CCSER1: variants seen among roughly 807,000 people sequenced by gnomAD.
CCSER1 encodes serine-rich coiled-coil domain-containing protein 1.
In CCSER1, 41 loss-of-function variants were observed where a neutral mutation model predicts 82.0. The observed-to-expected ratio is 0.50, with a 90% CI of 0.39 to 0.65. The LOEUF (loss-of-function observed/expected upper bound fraction) is 0.65, where lower values mean the gene tolerates loss of function less well. Among genes scored for constraint, CCSER1 ranks in the 30% least tolerant of loss-of-function variants. CCSER1 has a pLI of 0.00. For missense variants in CCSER1, 1,119 were observed against 1,064.2 expected (o/e 1.05, Z -0.72); for synonymous variants, 414 against 383.9 (o/e 1.08, Z -0.92).
At chr4:91,009,137 A>T (rs1228718886) in intron 9 of CCSER1, among the ~76,000 whole-genome samples, 1 of 152,184 alleles carries the variant, frequency 6.6e-6, no homozygotes, top group African/African-American at 2.4e-5. Flanking sequence ...ATGTCAGCAA[A>T]CAGCAGTGGT....
chr4:91,228,206 A>G (rs1231181252), intron 10 of CCSER1, among the ~76,000 whole-genome samples: 5 of 152,200 alleles, frequency 3.3e-5, no homozygotes, highest in Non-Finnish European at 5.9e-5. Flanking sequence ...GTATCCTGCT[A>G]CTCGGTTTCT....
At chr4:90,429,042 G>A (rs1578422844) in intron 4 of CCSER1, among the ~76,000 whole-genome samples, 1 of 151,508 alleles carries the variant, frequency 6.6e-6, no homozygotes, top group Non-Finnish European at 1.5e-5. Flanking sequence ...TCACACTATT[G>A]CAAGATGTTA....
intron 4 of CCSER1, among the ~76,000 whole-genome samples, chr4:90,439,660 T>G (rs2153571758): frequency 6.6e-6 from 1 of 152,302 alleles, no homozygotes; most frequent in African/African-American, 2.4e-5. Flanking sequence ...CTGGAGTAAC[T>G]TCTGCTTCAG....
chr4:90,537,388 T>G (rs950733447), intron 5 of CCSER1, among the ~76,000 whole-genome samples: 3 of 152,046 alleles, frequency 2.0e-5, no homozygotes, highest in African/African-American at 7.2e-5. Flanking sequence ...TTCATTCGAG[T>G]TTTTTCTCAT....
rs1424898550 is a variant in CCSER1 at position 90,468,294 on chromosome 4, T to A, written c.1664T>A (p.Met555Lys). 9 of 1,609,306 alleles carry A rather than the reference T, an allele frequency of 5.6e-6. No individual in the cohort carries two copies. The highest frequency in any genetic ancestry group is 1.3e-5 in the African/African-American group (1 of 74,864). The change falls in exon 5 of 11, where the codon ATG becomes AAG. Residue 555 changes from methionine (M) to lysine (K), a missense_variant. By Grantham distance (95) the Met-to-Lys change is moderately conservative. Transcript: ENST00000509176. The part of the protein sequence containing the change: ...VSCAAVVLTP[M>K]EPMIEMKKRE... ...TGTGCCGCAGTAGTTCTTACTCCTA[T>A]GGAACCAATGATAGAAATGAAGAAA...
intron 9 of CCSER1, among the ~76,000 whole-genome samples, chr4:91,069,167 A>C (rs1048372551): frequency 1.3e-5 from 2 of 152,106 alleles, no homozygotes; most frequent in African/African-American, 4.8e-5. Context: ...CATCTCAAAA[A>C]AAATAAATAA....
intron 5 of CCSER1, among the ~76,000 whole-genome samples, chr4:90,612,875 A>G (rs898434406): frequency 3.9e-5 from 6 of 152,198 alleles, no homozygotes; most frequent in Non-Finnish European, 8.8e-5. Context: ...GAAGGGTCAG[A>G]GTGGTGAGGG....
At chr4:90,442,487 G>A (rs1019567284) in intron 4 of CCSER1, among the ~76,000 whole-genome samples, 1 of 152,184 alleles carries the variant, frequency 6.6e-6, no homozygotes, top group Admixed American at 6.5e-5. Flanking sequence ...TGCCTCAAGA[G>A]GAGAAGTTGA....
At chr4:90,460,341 A>C (rs970218564) in intron 4 of CCSER1, among the ~76,000 whole-genome samples, 2 of 147,644 alleles carry the variant, frequency 1.4e-5, no homozygotes, top group African/African-American at 5.2e-5. Flanking sequence ...AAAAAAAAAA[A>C]AAAACTAAGG....
At chr4:91,438,603 A>C (rs969659580) in intron 10 of CCSER1, among the ~76,000 whole-genome samples, 2 of 152,222 alleles carry the variant, frequency 1.3e-5, no homozygotes, top group Non-Finnish European at 2.9e-5. Flanking sequence ...AACATAATTC[A>C]TCACCAGCAA....
chr4:91,571,974 C>T (rs112193681), intron 10 of CCSER1, among the ~76,000 whole-genome samples: 5,653 of 152,060 alleles, frequency 0.037, 196 homozygotes, highest in South Asian at 0.16. Flanking sequence ...TTCATTAGTT[C>T]GAGGGTGGCA....
chr4:90,180,241 G>T (rs1733482234), intron 1 of CCSER1, among the ~76,000 whole-genome samples: 1 of 151,780 alleles, frequency 6.6e-6, no homozygotes, highest in Non-Finnish European at 1.5e-5. Context: ...GTTTTTTAGA[G>T]TTGGAACAAA....
At chr4:91,525,161 A>T (rs1760710059) in intron 10 of CCSER1, among the ~76,000 whole-genome samples, 1 of 152,134 alleles carries the variant, frequency 6.6e-6, no homozygotes, top group Non-Finnish European at 1.5e-5. Context: ...GCTAATTGAA[A>T]TATAATAAGA....
intron 4 of CCSER1, among the ~76,000 whole-genome samples, chr4:90,408,792 G>C (rs1317819266): frequency 6.6e-6 from 1 of 152,218 alleles, no homozygotes; most frequent in Non-Finnish European, 1.5e-5. Flanking sequence ...CAATGACTTT[G>C]ATGAGTTGAG....
At chr4:91,256,161 G>C (rs1182251887) in intron 10 of CCSER1, among the ~76,000 whole-genome samples, 3 of 152,080 alleles carry the variant, frequency 2.0e-5, no homozygotes, top group South Asian at 2.1e-4. Context: ...CTCTAAAATG[G>C]CCGCTCTTGG....
chr4:90,458,848 C>T (rs1762513393), intron 4 of CCSER1, among the ~76,000 whole-genome samples: 1 of 152,202 alleles, frequency 6.6e-6, no homozygotes, highest in Non-Finnish European at 1.5e-5. Context: ...AGTTCTTACA[C>T]ATCGCTTTTG....
chr4:91,493,826 A>T (rs530887947), intron 10 of CCSER1, among the ~76,000 whole-genome samples: 312 of 151,826 alleles, frequency 2.1e-3, no homozygotes, highest in African/African-American at 7.2e-3. Flanking sequence ...AATTTTTTTT[A>T]AAAAAAGTTT....
At chr4:90,209,270 G>T (rs1216426840) in intron 1 of CCSER1, among the ~76,000 whole-genome samples, 1 of 152,180 alleles carries the variant, frequency 6.6e-6, no homozygotes, top group Non-Finnish European at 1.5e-5. Context: ...GCCCAAGTGA[G>T]GGGCACCCCT....
intron 9 of CCSER1, among the ~76,000 whole-genome samples, chr4:91,026,997 T>A (rs1740543188): frequency 6.6e-6 from 1 of 152,110 alleles, no homozygotes; most frequent in Non-Finnish European, 1.5e-5. Context: ...AAAACAAAAA[T>A]TTTTAAACAG....
Sources: allele counts gnomAD v4.1 joint callset (sites outside exome capture counted in the v4.1 genomes callset), GRCh38; gene constraint gnomAD v4.1.1; transcripts MANE v1.5; gene names NCBI Gene and HGNC (gene_info 2026-07-23, HGNC 2026-07-21).